The following AKAP6 variants were observed in gnomAD, a reference collection of about 807,000 sequenced individuals.
AKAP6 encodes the protein A-kinase anchor protein 6.
In AKAP6, 58 loss-of-function variants were observed where a neutral mutation model predicts 188.5. The observed-to-expected ratio is 0.31, with a 90% CI of 0.25 to 0.38. AKAP6 has a LOEUF of 0.38. AKAP6 is among the 10% of genes least tolerant of loss of function. AKAP6 has a pLI of 1.00. For missense variants in AKAP6, 2,710 were observed against 2,740.0 expected (o/e 0.99, Z 0.24); for synonymous variants, 989 against 998.6 (o/e 0.99, Z 0.18).
At chr14:32,719,272 A>G (rs1472665723) in intron 9 of AKAP6, among the ~76,000 whole-genome samples, 2 of 152,224 alleles carry the variant, frequency 1.3e-5, no homozygotes, top group Non-Finnish European at 2.9e-5. Flanking sequence ...AACACCTACC[A>G]TCGCATGGTA....
intron 8 of AKAP6, among the ~76,000 whole-genome samples, chr14:32,683,190 C>T (rs188269092): frequency 8.6e-5 from 13 of 152,038 alleles, no homozygotes; most frequent in African/African-American, 2.2e-4. Flanking sequence ...GACGGGGTTT[C>T]GTCATGTTGC....
At chr14:32,590,645 T>C (rs1023764588) in intron 5 of AKAP6, among the ~76,000 whole-genome samples, 3 of 152,182 alleles carry the variant, frequency 2.0e-5, no homozygotes, top group African/African-American at 7.2e-5. Context: ...CAGGGCTTTC[T>C]AGGTATTGTT....
intron 1 of AKAP6, among the ~76,000 whole-genome samples, chr14:32,409,538 C>T (rs771133543): frequency 3.3e-5 from 5 of 152,182 alleles, no homozygotes; most frequent in Non-Finnish European, 7.3e-5. Flanking sequence ...TGAACATGTT[C>T]CAGGACTCTT....
rs902608457 is a variant in AKAP6, at chr14:32,732,329, C to A, written c.3001-125C>A. On this transcript the variant is annotated intron_variant, in intron 9 of 13. Transcript: ENST00000280979. ...TCTACTCAAAGTACTTAGGTTTAGCCTCCCCATAAATTTTATTGGGAACAA... is the reference window on the plus strand; with the variant it reads ...TCTACTCAAAGTACTTAGGTTTAGCATCCCCATAAATTTTATTGGGAACAA... 1.2e-5 allele frequency: 12 copies of A among 967,754 alleles called. No homozygotes were observed. In the Admixed American group the frequency reaches 3.1e-4, roughly 25 times the overall value. The allele number at this position is 967,754 out of a possible 1,614,324, so 59.9% of individuals were successfully genotyped here. A position where few individuals can be genotyped will look rare whatever the true frequency, so the allele number is the denominator to read the frequency against.
At chr14:32,689,132 T>C (rs962460166) in intron 8 of AKAP6, among the ~76,000 whole-genome samples, 6 of 152,320 alleles carry the variant, frequency 3.9e-5, no homozygotes, top group Middle Eastern at 3.4e-3. Context: ...AACTACTGAT[T>C]TAAAAATTCT....
At chr14:32,526,877 A>G (rs1261933387) in intron 2 of AKAP6, among the ~76,000 whole-genome samples, 1 of 152,218 alleles carries the variant, frequency 6.6e-6, no homozygotes, top group African/African-American at 2.4e-5. Flanking sequence ...TAAGGTTTCC[A>G]CACATGCATA....
In AKAP6 at chr14:32,747,644, A is replaced by G. The variant is rs140923998; in HGVS notation, c.3372+11762A>G. Among the ~76,000 whole-genome samples, 518 of 152,314 alleles carry G rather than the reference A, an allele frequency of 3.4e-3. 4 individuals are homozygous for G. Among genetic ancestry groups the G allele is most frequent in the African/African-American group, 0.012 (483 of 41,568 alleles). ...ATTGGATACAGTTCAGGACTGCCTT[A>G]TAAGAAAAATTGGCTGGGTTAAGGT... On this transcript the variant is annotated intron_variant, in intron 11 of 13. Transcript: ENST00000280979.
chr14:32,359,650 G>A (rs545096428), intron 1 of AKAP6, among the ~76,000 whole-genome samples: 4 of 150,188 alleles, frequency 2.7e-5, no homozygotes, highest in African/African-American at 9.8e-5. Context: ...TATGTCCTTA[G>A]TTTCTTCAAG....
At chr14:32,438,045 A>G (rs764832947) in intron 2 of AKAP6, among the ~76,000 whole-genome samples, 2 of 152,194 alleles carry the variant, frequency 1.3e-5, no homozygotes, top group Non-Finnish European at 2.9e-5. Flanking sequence ...CTGTTGTTGT[A>G]TAGGTGAGTC....
In AKAP6 at chr14:32,475,548, T is replaced by C. The variant is rs1198604291; in HGVS notation, c.324+41731T>C. Among the ~76,000 whole-genome samples the C allele has an allele frequency of 2.0e-5, 3 of 152,206 alleles. No homozygotes were observed. In the East Asian group the frequency reaches 5.8e-4, roughly 29 times the overall value. Reference sequence around the variant, plus strand: ...AGCTTCCAAAAAGGCATGCTATGAATTCTGTCAATGTGGAAGATCGAGCAA... The same window carrying C: ...AGCTTCCAAAAAGGCATGCTATGAACTCTGTCAATGTGGAAGATCGAGCAA... On this transcript the variant is annotated intron_variant, in intron 2 of 13. Transcript: ENST00000280979.
chr14:32,548,398 G>A lies in AKAP6; in HGVS notation c.2346+1399G>A, dbSNP rs535270191. Among the ~76,000 whole-genome samples the A allele has an allele frequency of 1.6e-3, 239 of 149,414 alleles. 1 individual carries two copies. Among genetic ancestry groups the A allele is most frequent in the Non-Finnish European group, 2.4e-3 (165 of 67,644 alleles). On this transcript the variant is annotated intron_variant, in intron 4 of 13. Transcript: ENST00000280979. ...ATTACAGGCGTGAGCCACTGTGCGT[G>A]GCCCATACATTTTTTTTTTTTACTT...
At chr14:32,664,474 T>C (rs1888835891) in intron 7 of AKAP6, among the ~76,000 whole-genome samples, 1 of 152,138 alleles carries the variant, frequency 6.6e-6, no homozygotes, top group African/African-American at 2.4e-5. Flanking sequence ...TTTTTGAGTT[T>C]TAATTTAGGT....
At chr14:32,425,322 T>G (rs554667563) in intron 1 of AKAP6, among the ~76,000 whole-genome samples, 2 of 152,136 alleles carry the variant, frequency 1.3e-5, no homozygotes, top group Non-Finnish European at 2.9e-5. Flanking sequence ...ATTGGCTGGA[T>G]GCGGTGGCTT....
At chr14:32,370,582 T>C (rs563520011) in intron 1 of AKAP6, among the ~76,000 whole-genome samples, 12 of 152,304 alleles carry the variant, frequency 7.9e-5, no homozygotes, top group Admixed American at 1.3e-4. Context: ...AACTTATTAA[T>C]TGATCAGGGA....
chr14:32,465,431 A>G (rs1354435605), intron 2 of AKAP6, among the ~76,000 whole-genome samples: 3 of 152,130 alleles, frequency 2.0e-5, no homozygotes, highest in Non-Finnish European at 4.4e-5. Flanking sequence ...CAGAAATAAC[A>G]CCACACATCT....
chr14:32,637,794 T>C (rs1455461496), intron 7 of AKAP6, among the ~76,000 whole-genome samples: 1 of 151,984 alleles, frequency 6.6e-6, no homozygotes, highest in Non-Finnish European at 1.5e-5. Flanking sequence ...ATTCTAGATA[T>C]GGCAAAAATA....
intron 1 of AKAP6, among the ~76,000 whole-genome samples, chr14:32,339,152 G>T (rs1886813656): frequency 6.6e-6 from 1 of 151,990 alleles, no homozygotes; most frequent in Non-Finnish European, 1.5e-5. Flanking sequence ...TGTCTATTTT[G>T]TTCATTGATG....
chr14:32,440,521 G>C (rs2138733241), intron 2 of AKAP6, among the ~76,000 whole-genome samples: 1 of 152,052 alleles, frequency 6.6e-6, no homozygotes, highest in East Asian at 1.9e-4. Context: ...TCTTGGTCAT[G>C]GTGTAAAAAT....
intron 2 of AKAP6, among the ~76,000 whole-genome samples, chr14:32,510,255 T>C (rs548562906): frequency 9.2e-5 from 14 of 151,632 alleles, no homozygotes; most frequent in African/African-American, 3.4e-4. Context: ...ATGCTAGATC[T>C]TGCATATGCC....
Sources: allele counts gnomAD v4.1 joint callset (sites outside exome capture counted in the v4.1 genomes callset), GRCh38; gene constraint gnomAD v4.1.1; transcripts MANE v1.5; gene names NCBI Gene and HGNC (gene_info 2026-07-23, HGNC 2026-07-21).